Variants in SPOCK1 observed in about 807,000 individuals in gnomAD.
The protein encoded by SPOCK1 is testican-1.
Under a neutral mutation model 55.3 loss-of-function variants are expected in SPOCK1, and 23 were observed. That is an observed-to-expected ratio of 0.42 (90% CI 0.30 to 0.59). The LOEUF (loss-of-function observed/expected upper bound fraction) is 0.59. Ranked by LOEUF, SPOCK1 falls within the 20% of genes least tolerant of loss-of-function variation. The pLI, the probability that SPOCK1 is intolerant of heterozygous loss-of-function variation, is 0.22. For missense variants in SPOCK1, 499 were observed against 552.5 expected, an observed-to-expected ratio of 0.90 and a Z score of 0.97; for synonymous variants, 226 against 221.0, an observed-to-expected ratio of 1.02 and a Z score of -0.20.
chr5:137,331,476 C>T (rs1269843464), intron 2 of SPOCK1, among the ~76,000 whole-genome samples: 3 of 152,182 alleles, frequency 2.0e-5, no homozygotes, highest in South Asian at 2.1e-4. Context: ...GCTATAAACA[C>T]CTGAGGCTGG....
chr5:136,999,897 C>T (rs891210619), intron 6 of SPOCK1, among the ~76,000 whole-genome samples: 1 of 152,068 alleles, frequency 6.6e-6, no homozygotes, highest in Non-Finnish European at 1.5e-5. Flanking sequence ...TGTTGGGGAA[C>T]CAATTACTGG....
At chr5:137,300,949 C>T (rs1757577777) in intron 2 of SPOCK1, among the ~76,000 whole-genome samples, 1 of 152,112 alleles carries the variant, frequency 6.6e-6, no homozygotes, top group Non-Finnish European at 1.5e-5. Flanking sequence ...CTGGTGGCCA[C>T]TGGGTTTTTT....
At chr5:137,382,852 C>T (rs1751504361) in intron 2 of SPOCK1, among the ~76,000 whole-genome samples, 1 of 152,180 alleles carries the variant, frequency 6.6e-6, no homozygotes, top group African/African-American at 2.4e-5. Context: ...ACATATTCAC[C>T]TTAAAAAGAA....
chr5:137,391,317 T>C (rs1317749566), intron 2 of SPOCK1, among the ~76,000 whole-genome samples: 1 of 152,156 alleles, frequency 6.6e-6, no homozygotes, highest in Admixed American at 6.5e-5. Context: ...ACATTTGGGT[T>C]GGTTCCAAGT....
intron 2 of SPOCK1, among the ~76,000 whole-genome samples, chr5:137,309,233 G>C (rs1345876829): frequency 2.6e-5 from 4 of 152,192 alleles, no homozygotes; most frequent in African/African-American, 9.7e-5. Context: ...AAGGGGAACA[G>C]CTTTCCAAAC....
intron 2 of SPOCK1, among the ~76,000 whole-genome samples, chr5:137,434,564 A>T (rs544259632): frequency 2.8e-4 from 34 of 122,134 alleles, no homozygotes; most frequent in Admixed American, 5.8e-4. Flanking sequence ...CGATGGTGCG[A>T]TCTCGGCTCA....
intron 4 of SPOCK1, among the ~76,000 whole-genome samples, chr5:137,131,971 C>CAAAAAAAAA (rs1156253291): frequency 7.1e-4 from 9 of 12,720 alleles, no homozygotes; most frequent in East Asian, 4.8e-3. Context: ...GACTCCGTCT[C>CAAAAAAAAA]AAAAAAAAAA....
chr5:137,256,321 C>A (rs1051243946), intron 3 of SPOCK1, among the ~76,000 whole-genome samples: 2 of 152,274 alleles, frequency 1.3e-5, no homozygotes, highest in East Asian at 3.9e-4. Context: ...TGTACTGGTC[C>A]ACTGTGTGCT....
At chr5:137,424,744 A>C (rs1345691596) in intron 2 of SPOCK1, among the ~76,000 whole-genome samples, 1 of 152,224 alleles carries the variant, frequency 6.6e-6, no homozygotes, top group Non-Finnish European at 1.5e-5. Flanking sequence ...CCAGACACTA[A>C]AGATTAAATA....
intron 3 of SPOCK1, among the ~76,000 whole-genome samples, chr5:137,153,572 G>A (rs1754358409): frequency 6.6e-6 from 1 of 152,124 alleles, no homozygotes; most frequent in Admixed American, 6.5e-5. Context: ...AAGAGAAAGA[G>A]GCCAGGCACG....
At position 137,256,426 on chromosome 5, in the gene SPOCK1, C is replaced by T. The variant is rs544765259; in HGVS notation, c.232+10584G>A. On this transcript the variant is annotated intron_variant, in intron 3 of 10. Transcript: ENST00000394945. ...GTCTGAGAAGTCCAAGATCAAGGGG[C>T]TGCATCTGGTGAGGGCCTTCTTGTT... Among the ~76,000 whole-genome samples, 5 of 152,250 alleles carry T rather than the reference C, an allele frequency of 3.3e-5. No homozygotes were observed. The South Asian group carries it at 1.0e-3, about 32-fold the overall frequency.
At chr5:136,982,935 TTCCCCTTGGCA>T (rs1324148423) in intron 9 of SPOCK1, among the ~76,000 whole-genome samples, 1 of 152,186 alleles carries the variant, frequency 6.6e-6, no homozygotes, top group Admixed American at 6.6e-5. Flanking sequence ...TCATAATTAT[TTCCCCTTGGCA>T]CTTTGAAGAT....
At chr5:137,238,073 C>T (rs912469407) in intron 3 of SPOCK1, among the ~76,000 whole-genome samples, 2 of 152,102 alleles carry the variant, frequency 1.3e-5, no homozygotes, top group African/African-American at 2.4e-5. Flanking sequence ...ACTGGTTCAC[C>T]TCTTCAAAAT....
At chr5:137,104,863 T>C (rs925544914) in intron 5 of SPOCK1, among the ~76,000 whole-genome samples, 2 of 152,154 alleles carry the variant, frequency 1.3e-5, no homozygotes, top group Non-Finnish European at 2.9e-5. Flanking sequence ...TATTATTATG[T>C]AATAATAATA....
At chr5:137,386,085 C>T (rs185384138) in intron 2 of SPOCK1, among the ~76,000 whole-genome samples, 1 of 152,154 alleles carries the variant, frequency 6.6e-6, no homozygotes, top group African/African-American at 2.4e-5. Flanking sequence ...TATTTGCCAA[C>T]AGTGAACAAG....
intron 6 of SPOCK1, among the ~76,000 whole-genome samples, chr5:137,040,628 T>C (rs1751977761): frequency 6.6e-6 from 1 of 152,262 alleles, no homozygotes; most frequent in Non-Finnish European, 1.5e-5. Flanking sequence ...ACTGCTTCTT[T>C]TGTTTCTGTA....
chr5:137,494,020 C>T (rs978455800), intron 2 of SPOCK1, among the ~76,000 whole-genome samples: 3 of 152,180 alleles, frequency 2.0e-5, no homozygotes, highest in Non-Finnish European at 4.4e-5. Flanking sequence ...TAGAATTACA[C>T]ACTCAGGTCA....
intron 3 of SPOCK1, among the ~76,000 whole-genome samples, chr5:137,160,417 A>G (rs545568135): frequency 3.4e-4 from 41 of 120,910 alleles, no homozygotes; most frequent in African/African-American, 1.1e-3. Flanking sequence ...AAATATATAT[A>G]TAATATAATA....
At chr5:137,069,873 T>A (rs867094513) in intron 5 of SPOCK1, among the ~76,000 whole-genome samples, 3 of 152,240 alleles carry the variant, frequency 2.0e-5, no homozygotes, top group African/African-American at 7.2e-5. Flanking sequence ...TTGTTTATCA[T>A]AAAGCCTTAT....
Sources: gnomAD v4.1 joint callset for allele counts (sites outside exome capture counted in the v4.1 genomes callset) on GRCh38, gnomAD v4.1.1 for gene constraint, MANE v1.5 for transcripts, NCBI Gene and HGNC (gene_info 2026-07-23, HGNC 2026-07-21) for gene names.